Variants in DLGAP4 observed in about 807,000 individuals in gnomAD.
The protein encoded by DLGAP4 is disks large-associated protein 4.
Under a neutral mutation model 86.9 loss-of-function variants are expected in DLGAP4, and 18 were observed. That is an observed-to-expected ratio of 0.21 (90% confidence interval 0.14 to 0.31). The LOEUF is 0.31. Ranked by LOEUF, DLGAP4 falls within the 10% of genes least tolerant of loss-of-function variation. The pLI is 1.00. For missense variants in DLGAP4, 1,085 were observed against 1,362.6 expected (o/e 0.80, Z 3.21); for synonymous variants, 548 against 574.3 (o/e 0.95, Z 0.65).
chr20:36,496,250 G>A (rs1461533837), intron 7 of DLGAP4, among the ~76,000 whole-genome samples: 1 of 152,060 alleles, frequency 6.6e-6, no homozygotes, highest in Non-Finnish European at 1.5e-5. Flanking sequence ...GGTGTGGAAG[G>A]AAAAGACCAG....
At chr20:36,396,560 ACACATACACACAC>A (rs771628778) in intron 2 of DLGAP4, among the ~76,000 whole-genome samples, 45 of 14,122 alleles carry the variant, frequency 3.2e-3, no homozygotes, top group East Asian at 0.011. Flanking sequence ...CCACAGACAC[ACACATACACACAC>A]CACATACACA....
chr20:36,486,865 G>C (rs907522538), intron 7 of DLGAP4, among the ~76,000 whole-genome samples: 1 of 151,634 alleles, frequency 6.6e-6, no homozygotes, highest in Non-Finnish European at 1.5e-5. Context: ...GCCCGCGTCA[G>C]CCTCCCATAG....
intron 10 of DLGAP4, among the ~76,000 whole-genome samples, chr20:36,501,966 C>G (rs371780601): frequency 6.6e-6 from 1 of 152,216 alleles, no homozygotes; most frequent in East Asian, 1.9e-4. Flanking sequence ...GCCCACCGCC[C>G]TACCTGGGCC....
At chr20:36,329,398 G>A (rs1332708196) in intron 1 of DLGAP4, among the ~76,000 whole-genome samples, 1 of 152,190 alleles carries the variant, frequency 6.6e-6, no homozygotes, top group African/African-American at 2.4e-5. Context: ...GTAAAATTGG[G>A]ATTTTAATAC....
chr20:36,472,953 C>A (rs2147670725), intron 7 of DLGAP4, among the ~76,000 whole-genome samples: 1 of 152,312 alleles, frequency 6.6e-6, no homozygotes, highest in African/African-American at 2.4e-5. Context: ...GCAGTGGCGT[C>A]CTGGCCTGGC....
chr20:36,490,632 A>G (rs952457455), intron 7 of DLGAP4, among the ~76,000 whole-genome samples: 3 of 152,158 alleles, frequency 2.0e-5, no homozygotes, highest in Non-Finnish European at 2.9e-5. Flanking sequence ...AGCCTGAGCC[A>G]TGGCTTCCAG....
chr20:36,334,435 T>C (rs1238444447), intron 1 of DLGAP4, among the ~76,000 whole-genome samples: 2 of 151,952 alleles, frequency 1.3e-5, no homozygotes, highest in Admixed American at 6.6e-5. Flanking sequence ...AGGAGAACCA[T>C]TGAGGTCTGA....
At chr20:36,480,852 A>C (rs2035154488) in intron 7 of DLGAP4, among the ~76,000 whole-genome samples, 2 of 152,132 alleles carry the variant, frequency 1.3e-5, no homozygotes, top group Admixed American at 6.5e-5. Context: ...CAAAAACTAA[A>C]AAAATTAGCC....
At chr20:36,346,439 G>A (rs372680265) in intron 1 of DLGAP4, among the ~76,000 whole-genome samples, 2 of 152,264 alleles carry the variant, frequency 1.3e-5, no homozygotes, top group Admixed American at 6.5e-5. Context: ...CCTGGAAGCG[G>A]TGGGTTTCAG....
intron 1 of DLGAP4, among the ~76,000 whole-genome samples, chr20:36,313,520 AG>A (rs1466555093): frequency 1.3e-5 from 2 of 149,360 alleles, no homozygotes; most frequent in Non-Finnish European, 3.0e-5. Flanking sequence ...GGGGCTGACC[AG>A]GCAGCTTTGC....
chr20:36,501,426 T>C (rs999258485), intron 10 of DLGAP4, among the ~76,000 whole-genome samples: 2 of 152,210 alleles, frequency 1.3e-5, no homozygotes, highest in South Asian at 2.1e-4. Flanking sequence ...TGGGTCTCAA[T>C]AGGGTGTGAA....
intron 10 of DLGAP4, among the ~76,000 whole-genome samples, chr20:36,508,441 T>C (rs1054094821): frequency 4.7e-5 from 7 of 148,798 alleles, no homozygotes; most frequent in Non-Finnish European, 7.4e-5. Context: ...TTTTTTTTTT[T>C]TTTTGAGATG....
At chr20:36,499,490 C>A in intron 8 of DLGAP4, 98 bp from the exon 9 acceptor site, 2 of 1,407,028 alleles carry the variant, frequency 1.4e-6, no homozygotes, top group Non-Finnish European at 9.9e-7. Context: ...CGTCCGTTTG[C>A]GTCGTCCCAC....
At chr20:36,357,429 T>C (rs1191042256) in intron 1 of DLGAP4, among the ~76,000 whole-genome samples, 1 of 152,178 alleles carries the variant, frequency 6.6e-6, no homozygotes, top group African/African-American at 2.4e-5. Flanking sequence ...CATAAGCCCT[T>C]GGGGCTCAAG....
chr20:36,329,904 G>A (rs1259352134), intron 1 of DLGAP4, among the ~76,000 whole-genome samples: 3 of 152,086 alleles, frequency 2.0e-5, no homozygotes, highest in Non-Finnish European at 4.4e-5. Context: ...GGTGGCAGAT[G>A]CCTGTAATCT....
chr20:36,499,190 T>G (rs1246897180), intron 8 of DLGAP4: 3 of 1,543,262 alleles, frequency 1.9e-6, no homozygotes, highest in African/African-American at 2.8e-5. Context: ...GTGTGTGTGT[T>G]TTCTTTCTCT....
At chr20:36,457,438 G>A (rs2033906783) in intron 7 of DLGAP4, among the ~76,000 whole-genome samples, 1 of 142,634 alleles carries the variant, frequency 7.0e-6, no homozygotes, top group Non-Finnish European at 1.5e-5. Context: ...CCCCCAGGCT[G>A]GAGTGCAATG....
At chr20:36,508,419 G>GTTTTTTTTGTTTTTTTTT (rs1569523131) in intron 10 of DLGAP4, 1 of 134,604 alleles carries the variant, frequency 7.4e-6, no homozygotes, top group African/African-American at 3.0e-5. Flanking sequence ...ATGTTTCAGG[G>GTTTTTTTTGTTTTTTTTT]TTCTTTTTTT....
At position 36,524,261 on chromosome 20, in the gene DLGAP4, G is replaced by T. The variant is rs2037565077; in HGVS notation, c.2524G>T (p.Val842Phe). The change falls in exon 11 of 13, where the codon GTC becomes TTC. Residue 842 changes from valine to phenylalanine, a missense_variant. Val to Phe is a conservative substitution (Grantham distance 50). Transcript: ENST00000339266. ...CCTCTGTTTCTCAGTCTTAGGAAAA[G>T]TCCTCAGTGCTGTGGGCAGTGCCCA... The part of the protein sequence containing the change: ...NNLSEEVLGK[V>F]LSAVGSAQLL... The T allele has an allele frequency of 6.8e-6, 11 of 1,614,186 alleles. No homozygotes were observed. Among genetic ancestry groups the T allele is most frequent in the Non-Finnish European group, 9.3e-6 (11 of 1,180,022 alleles).
Sources: allele counts gnomAD v4.1 joint callset (sites outside exome capture counted in the v4.1 genomes callset), GRCh38; gene constraint gnomAD v4.1.1; transcripts MANE v1.5; gene names NCBI Gene and HGNC (gene_info 2026-07-23, HGNC 2026-07-21).